Variants in C2orf66 observed in about 807,000 individuals in gnomAD.
The protein encoded by C2orf66 is uncharacterized protein C2orf66.
A neutral mutation model predicts 7.0 loss-of-function variants in C2orf66; 6 were observed. The observed-to-expected ratio is 0.86, with a 90% CI of 0.47 to 1.69. C2orf66 has a LOEUF of 1.69. C2orf66 is among the 40% of genes most tolerant of loss of function. C2orf66 has a pLI of 0.01. For missense variants in C2orf66, 107 were observed against 112.0 expected, an observed-to-expected ratio of 0.96 and a Z score of 0.20; for synonymous variants, 38 against 43.8, an observed-to-expected ratio of 0.87 and a Z score of 0.52.
At chr2:196,827,906 A>G in the C2orf66 span, among the ~76,000 whole-genome samples, 2 of 152,208 alleles carry the variant, frequency 1.3e-5, no homozygotes, top group South Asian at 4.1e-4. Context: ...GCTTTCATTT[A>G]CACAATATAC....
rs551216635 is a variant in C2orf66 at position 196,806,852 on chromosome 2, C to T, written c.*19+572G>A. Among the ~76,000 whole-genome samples, 6 of 151,980 alleles carry T rather than the reference C, an allele frequency of 3.9e-5. No individual in the cohort carries two copies. The East Asian group carries it at 1.2e-3, about 30-fold the overall frequency. ...GCCTGGGCGACACAGTGAGACTCTA[C>T]CTCAACAACAACAAAAAAAGTAATG... On this transcript the variant is annotated intron_variant, in intron 2 of 2. Coordinates refer to ENST00000342506, the MANE Select transcript of C2orf66 (RefSeq NM_213608.3).
the C2orf66 span, among the ~76,000 whole-genome samples, chr2:196,821,176 A>G: frequency 6.6e-6 from 1 of 152,236 alleles, no homozygotes; most frequent in Non-Finnish European, 1.5e-5. Context: ...AAGCTGGAAG[A>G]GGAAGGGAAC....
the C2orf66 span, among the ~76,000 whole-genome samples, chr2:196,821,462 C>T: frequency 6.6e-6 from 1 of 152,206 alleles, no homozygotes; most frequent in African/African-American, 2.4e-5. Context: ...AGACTTAGAA[C>T]CTGGATTCAA....
the C2orf66 span, among the ~76,000 whole-genome samples, chr2:196,821,343 G>C: frequency 6.6e-6 from 1 of 152,210 alleles, no homozygotes. Flanking sequence ...TGTTACAGCA[G>C]TCAAAGGAAA....
At chr2:196,823,104 G>C in the C2orf66 span, among the ~76,000 whole-genome samples, 1 of 151,954 alleles carries the variant, frequency 6.6e-6, no homozygotes, top group African/African-American at 2.4e-5. Flanking sequence ...CATTTATGAA[G>C]CTGCTATAAA....
At chr2:196,821,918 A>ACTAT in the C2orf66 span, among the ~76,000 whole-genome samples, 2 of 144,330 alleles carry the variant, frequency 1.4e-5, no homozygotes, top group African/African-American at 5.1e-5. Flanking sequence ...TCTGAAATAG[A>ACTAT]ACCAGTGAGC....
chr2:196,817,480 C>T, the C2orf66 span, among the ~76,000 whole-genome samples: 1 of 151,928 alleles, frequency 6.6e-6, no homozygotes, highest in East Asian at 1.9e-4. Flanking sequence ...TGTGATCTGC[C>T]CACCTTGGCC....
intron 1 of C2orf66, among the ~76,000 whole-genome samples, chr2:196,808,062 C>T (rs2125758101): frequency 6.6e-6 from 1 of 152,294 alleles, no homozygotes; most frequent in South Asian, 2.1e-4. Context: ...CGAAGTGCTA[C>T]TTGCTTTGAT....
the C2orf66 span, among the ~76,000 whole-genome samples, chr2:196,828,230 T>TCA: frequency 0.11 from 13,939 of 125,032 alleles, 766 homozygotes; most frequent in East Asian, 0.14. Context: ...TCTCTCTCTC[T>TCA]CACACACACA....
At chr2:196,820,818 G>C in the C2orf66 span, among the ~76,000 whole-genome samples, 1 of 152,212 alleles carries the variant, frequency 6.6e-6, no homozygotes, top group Non-Finnish European at 1.5e-5. Context: ...GGCTTCCTAA[G>C]ATCTATATGG....
At chr2:196,817,785 G>T in the C2orf66 span, among the ~76,000 whole-genome samples, 44 of 152,230 alleles carry the variant, frequency 2.9e-4, no homozygotes, top group Non-Finnish European at 3.4e-4. Flanking sequence ...GCTAGGAAAA[G>T]AATTTAGTGA....
intron 1 of C2orf66, among the ~76,000 whole-genome samples, chr2:196,807,875 G>A (rs781712973): frequency 1.1e-4 from 17 of 152,102 alleles, no homozygotes; most frequent in Non-Finnish European, 2.2e-4. Context: ...ACTATGGAGC[G>A]GCACCACAGT....
the C2orf66 span, among the ~76,000 whole-genome samples, chr2:196,816,365 G>A: frequency 6.6e-6 from 1 of 152,168 alleles, no homozygotes; most frequent in East Asian, 1.9e-4. Flanking sequence ...TCCACAGTAG[G>A]GTGAACCATT....
chr2:196,820,686 TAGG>T, the C2orf66 span, among the ~76,000 whole-genome samples: 2 of 152,184 alleles, frequency 1.3e-5, no homozygotes. Flanking sequence ...TGTGTTTTCT[TAGG>T]AGTTTAGGGT....
rs1466076088 is a variant in C2orf66 at position 196,807,525 on chromosome 2, G to A, written c.221C>T (p.Ser74Phe). The A allele has an allele frequency of 6.2e-7, 1 of 1,613,624 alleles. No individual in the cohort carries two copies. Among genetic ancestry groups the A allele is most frequent in the Non-Finnish European group, 8.5e-7 (1 of 1,179,598 alleles). ...FPTNENPRPL[S>F]FQSELTASAS... is the part of the protein sequence containing the mutation. Reference sequence around the variant, plus strand: ...AGAAGCAGTAAGTTCTGACTGGAAAGAGAGAGGTCTAGGATTTTCATTCGT... The same window carrying A: ...AGAAGCAGTAAGTTCTGACTGGAAAAAGAGAGGTCTAGGATTTTCATTCGT... Residue 74 changes from serine to phenylalanine, a missense_variant, in exon 2 of 3, where the codon TCT becomes TTT. Transcript: ENST00000342506.
chr2:196,808,468 G>T (rs377335736), intron 1 of C2orf66, among the ~76,000 whole-genome samples: 68 of 152,218 alleles, frequency 4.5e-4, no homozygotes, highest in African/African-American at 1.5e-3. Context: ...AGAGCAGGTC[G>T]GGACCACTTT....
chr2:196,815,604 G>T, the C2orf66 span, among the ~76,000 whole-genome samples: 1 of 152,104 alleles, frequency 6.6e-6, no homozygotes, highest in Non-Finnish European at 1.5e-5. Flanking sequence ...TTCTCAAGTG[G>T]AATTTGAAAA....
chr2:196,811,267 T>C (rs1035492233), upstream of C2orf66, among the ~76,000 whole-genome samples: 2 of 152,250 alleles, frequency 1.3e-5, no homozygotes, highest in Non-Finnish European at 2.9e-5. Flanking sequence ...TAAAGGGTTT[T>C]AGGCATCAAA....
the C2orf66 span, among the ~76,000 whole-genome samples, chr2:196,829,779 C>G: frequency 1.3e-5 from 2 of 151,588 alleles, no homozygotes; most frequent in African/African-American, 4.9e-5. Flanking sequence ...CGCCTGTAGT[C>G]CCAGCTACTC....
Sources: gnomAD v4.1 joint callset for allele counts (sites outside exome capture counted in the v4.1 genomes callset) on GRCh38, gnomAD v4.1.1 for gene constraint, MANE v1.5 for transcripts, NCBI Gene and HGNC (gene_info 2026-07-23, HGNC 2026-07-21) for gene names.